Variants in HDAC4 observed in about 807,000 individuals in gnomAD.
The protein encoded by HDAC4 is histone deacetylase 4.
In HDAC4, 16 loss-of-function variants were observed where a neutral mutation model predicts 135.1. That is an observed-to-expected ratio of 0.12 (90% confidence interval 0.08 to 0.18). The LOEUF (loss-of-function observed/expected upper bound fraction) is 0.18, where lower values mean the gene tolerates loss of function less well. Among genes scored for constraint, HDAC4 ranks in the 10% least tolerant of loss-of-function variants. The pLI, the probability that HDAC4 is intolerant of heterozygous loss-of-function variation, is 1.00. For missense variants in HDAC4, 1,143 were observed against 1,511.8 expected (o/e 0.76, Z 4.05); for synonymous variants, 685 against 653.4 (o/e 1.05, Z -0.74).
At chr2:239,378,674 C>T (rs1272072020) in intron 1 of HDAC4, among the ~76,000 whole-genome samples, 2 of 151,822 alleles carry the variant, frequency 1.3e-5, no homozygotes. Context: ...GAACCAATGA[C>T]CCCGGGAACC....
At chr2:239,280,174 G>GA (rs930702385) in intron 2 of HDAC4, among the ~76,000 whole-genome samples, 23 of 150,074 alleles carry the variant, frequency 1.5e-4, no homozygotes, top group Non-Finnish European at 2.1e-4. Flanking sequence ...GTTGGTCAAA[G>GA]AAAAAAAAAG....
chr2:239,267,375 C>T (rs1219503974), intron 2 of HDAC4, among the ~76,000 whole-genome samples: 1 of 152,214 alleles, frequency 6.6e-6, no homozygotes, highest in Non-Finnish European at 1.5e-5. Flanking sequence ...TGAAGAGCAC[C>T]AGTGGCCAAC....
chr2:239,389,408 A>G (rs2126096007), intron 1 of HDAC4, among the ~76,000 whole-genome samples: 1 of 152,354 alleles, frequency 6.6e-6, no homozygotes, highest in South Asian at 2.1e-4. Context: ...CAGCAAGACC[A>G]CGAACCTGCT....
rs148105846 is a variant in HDAC4, at chr2:239,374,310, A to G, written c.-219-21392T>C. 7.7e-3 allele frequency among the ~76,000 whole-genome samples: 1,174 copies of G among 151,626 alleles called. 13 individuals are homozygous for G. Among genetic ancestry groups the G allele is most frequent in the Non-Finnish European group, 0.012 (820 of 67,824 alleles). Reference sequence around the variant, plus strand: ...CACAGGTCAGAGGTGCTGCAGGGAAATGACAATGATGCCGACAATGATGAC... The same window carrying G: ...CACAGGTCAGAGGTGCTGCAGGGAAGTGACAATGATGCCGACAATGATGAC... On this transcript the variant is annotated intron_variant, in intron 1 of 26. Transcript: ENST00000543185.
intron 1 of HDAC4, among the ~76,000 whole-genome samples, chr2:239,367,627 A>T (rs1694307026): frequency 6.6e-6 from 1 of 152,192 alleles, no homozygotes; most frequent in Admixed American, 6.5e-5. Context: ...CTGTTTGGCG[A>T]ACAAAATTAT....
At chr2:239,213,861 C>T (rs1050857754) in intron 3 of HDAC4, among the ~76,000 whole-genome samples, 8 of 152,182 alleles carry the variant, frequency 5.3e-5, no homozygotes, top group African/African-American at 1.9e-4. Flanking sequence ...GAGGGGGACC[C>T]GCAAGAAAGC....
chr2:239,097,704 G>A (rs1486897375), intron 16 of HDAC4, among the ~76,000 whole-genome samples: 1 of 152,224 alleles, frequency 6.6e-6, no homozygotes, highest in Non-Finnish European at 1.5e-5. Flanking sequence ...CAGGTGGAAC[G>A]AGACTGAAAA....
chr2:239,061,530 ATG>A (rs981963637), intron 24 of HDAC4, among the ~76,000 whole-genome samples: 2 of 150,612 alleles, frequency 1.3e-5, no homozygotes, highest in African/African-American at 2.5e-5. Context: ...GTGGGTGTGC[ATG>A]TGTGGTGTGC....
intron 3 of HDAC4, among the ~76,000 whole-genome samples, chr2:239,209,746 GC>G (rs1455205321): frequency 6.6e-6 from 1 of 152,222 alleles, no homozygotes; most frequent in African/African-American, 2.4e-5. Flanking sequence ...CTTTAACACA[GC>G]AACTGACAAA....
At chr2:239,093,638 A>G (rs1199044356) in intron 17 of HDAC4, among the ~76,000 whole-genome samples, 2 of 152,204 alleles carry the variant, frequency 1.3e-5, no homozygotes, top group Non-Finnish European at 2.9e-5. Context: ...GCCCGCGTCC[A>G]CGTGGGGAGC....
At chr2:239,278,628 T>C (rs1000896010) in intron 2 of HDAC4, among the ~76,000 whole-genome samples, 2 of 152,160 alleles carry the variant, frequency 1.3e-5, no homozygotes, top group Non-Finnish European at 2.9e-5. Flanking sequence ...GGCGAGATCA[T>C]GCCACTGTAC....
At chr2:239,274,025 C>T (rs1241019684) in intron 2 of HDAC4, among the ~76,000 whole-genome samples, 2 of 152,226 alleles carry the variant, frequency 1.3e-5, no homozygotes, top group African/African-American at 4.8e-5. Context: ...GACGGTAGAA[C>T]TGCTTTGGAA....
chr2:239,209,105 TC>T (rs2046226987), intron 3 of HDAC4, among the ~76,000 whole-genome samples: 1 of 152,216 alleles, frequency 6.6e-6, no homozygotes, highest in African/African-American at 2.4e-5. Flanking sequence ...GGTCTTGAAC[TC>T]CTGAGCTCAA....
chr2:239,083,227 G>A lies in HDAC4; in HGVS notation c.2532+928C>T, dbSNP rs1385754794. On this transcript the variant is annotated intron_variant, in intron 20 of 26. Coordinates refer to ENST00000543185, the MANE Select transcript of HDAC4 (RefSeq NM_001378414.1). ...ACGCAGCCTGTCTGCGTGTCCTAGC[G>A]CTTCACTCTTTTGGGGATGGGTCCC... is the stretch of plus-strand genomic sequence containing the variant. 5.3e-5 allele frequency among the ~76,000 whole-genome samples: 8 copies of A among 152,370 alleles called. No homozygotes were observed. In the South Asian group the frequency reaches 1.2e-3, roughly 24 times the overall value.
rs1440859531 is a variant in HDAC4, at chr2:239,299,472, C to T, written c.22+53206G>A. 6.6e-6 allele frequency among the ~76,000 whole-genome samples: 1 copy of T among 152,166 alleles called. No individual in the cohort carries two copies. Among genetic ancestry groups the T allele is most frequent in the Non-Finnish European group, 1.5e-5 (1 of 68,032 alleles). On this transcript the variant is annotated intron_variant, in intron 2 of 26. Transcript: ENST00000543185. This position sits in a 1 kb window ranked among gnomAD's most constrained non-coding sequence, Gnocchi z 4.0. The stretch of plus-strand genomic sequence containing the variant: ...TCGCACAACCACGGCACTGGGGTGC[C>T]GAAACCAGAAGAGACATGCACACGA...
At chr2:239,067,725 C>T (rs2033701198) in intron 23 of HDAC4, among the ~76,000 whole-genome samples, 2 of 152,178 alleles carry the variant, frequency 1.3e-5, no homozygotes, top group African/African-American at 2.4e-5. Context: ...CCTCAGGTCT[C>T]CTGGGTGAGC....
rs1336945938 is a variant in HDAC4 at position 239,245,772 on chromosome 2, C to T, written c.23-9108G>A. On this transcript the variant is annotated intron_variant, in intron 2 of 26. Coordinates refer to ENST00000543185, the MANE Select transcript of HDAC4 (RefSeq NM_001378414.1). The surrounding 1 kb of genome is among the most constrained non-coding windows in gnomAD (Gnocchi z 4.4). ...CCAGGAATAAAGACGAGCCTGCCCC[C>T]ACCTTCTATTCAATATGTCTTTCCT... Among the ~76,000 whole-genome samples the T allele has an allele frequency of 6.6e-6, 1 of 152,276 alleles. No individual in the cohort carries two copies. The highest frequency in any genetic ancestry group is 2.1e-4 in the South Asian group (1 of 4,824).
At chr2:239,225,626 C>G (rs969707576) in intron 3 of HDAC4, among the ~76,000 whole-genome samples, 1 of 152,186 alleles carries the variant, frequency 6.6e-6, no homozygotes, top group African/African-American at 2.4e-5. Context: ...GGAGGGCAGG[C>G]CCGCCCAGGA....
At position 239,299,233 on chromosome 2, in the gene HDAC4, C is replaced by T. The variant is rs2052100492; in HGVS notation, c.22+53445G>A. Among the ~76,000 whole-genome samples the T allele has an allele frequency of 6.6e-6, 1 of 152,188 alleles. No homozygotes were observed. Among genetic ancestry groups the T allele is most frequent in the African/African-American group, 2.4e-5 (1 of 41,440 alleles). On this transcript the variant is annotated intron_variant, in intron 2 of 26. Coordinates refer to ENST00000543185, the MANE Select transcript of HDAC4 (RefSeq NM_001378414.1). This position sits in a 1 kb window ranked among gnomAD's most constrained non-coding sequence, Gnocchi z 4.0. Reference sequence around the variant, plus strand: ...GGGGCAGCCTGCCACCATGAATATCCTCTCAATGTCAACACATCCACTGCC... The same window carrying T: ...GGGGCAGCCTGCCACCATGAATATCTTCTCAATGTCAACACATCCACTGCC...
Sources: gnomAD v4.1 joint callset for allele counts (sites outside exome capture counted in the v4.1 genomes callset) on GRCh38, gnomAD v4.1.1 for gene constraint, Gnocchi (gnomAD v3.1) non-coding constraint, MANE v1.5 for transcripts, NCBI Gene and HGNC (gene_info 2026-07-23, HGNC 2026-07-21) for gene names.